NAALADL2: variants seen among roughly 807,000 people sequenced by gnomAD.
NAALADL2 encodes the protein inactive N-acetylated-alpha-linked acidic dipeptidase-like protein 2.
In NAALADL2, 76 loss-of-function variants were observed where a neutral mutation model predicts 87.2. That is an observed-to-expected ratio of 0.87 (90% confidence interval 0.72 to 1.05). The LOEUF (loss-of-function observed/expected upper bound fraction) is 1.05. NAALADL2 is among the 50% of genes least tolerant of loss of function. The pLI, the probability that NAALADL2 is intolerant of heterozygous loss-of-function variation, is 0.00. For missense variants in NAALADL2, 1,089 were observed against 945.8 expected, an observed-to-expected ratio of 1.15 and a Z score of -1.99; for synonymous variants, 354 against 331.0, an observed-to-expected ratio of 1.07 and a Z score of -0.75.
chr3:175,613,788 T>G (rs1021418683), intron 10 of NAALADL2, among the ~76,000 whole-genome samples: 1 of 152,178 alleles, frequency 6.6e-6, no homozygotes, highest in African/African-American at 2.4e-5. Flanking sequence ...TTCACAGGAT[T>G]TTTCTGAGGG....
chr3:175,257,729 G>C (rs1750250722), intron 4 of NAALADL2, among the ~76,000 whole-genome samples: 1 of 151,878 alleles, frequency 6.6e-6, no homozygotes, highest in Admixed American at 6.6e-5. Flanking sequence ...ATAACAATTT[G>C]ATGTAAAGGA....
chr3:175,371,565 T>C (rs1766505604), intron 5 of NAALADL2, among the ~76,000 whole-genome samples: 1 of 152,146 alleles, frequency 6.6e-6, no homozygotes, highest in Non-Finnish European at 1.5e-5. Flanking sequence ...CGGCTCATGC[T>C]TGTAATCCCA....
At chr3:175,621,003 C>T (rs369189737) in intron 10 of NAALADL2, among the ~76,000 whole-genome samples, 1 of 152,034 alleles carries the variant, frequency 6.6e-6, no homozygotes, top group African/African-American at 2.4e-5. Context: ...AGGCTCTGAC[C>T]GGAGGTATTT....
At chr3:174,589,870 GA>G (rs961013372) in intron 2 of NAALADL2, among the ~76,000 whole-genome samples, 10 of 135,572 alleles carry the variant, frequency 7.4e-5, no homozygotes, top group African/African-American at 1.4e-4. Flanking sequence ...TTTTTTTTTT[GA>G]AAAAAGTCAT....
intron 2 of NAALADL2, among the ~76,000 whole-genome samples, chr3:174,584,283 G>T (rs983001195): frequency 6.6e-6 from 1 of 152,118 alleles, no homozygotes; most frequent in Non-Finnish European, 1.5e-5. Flanking sequence ...ACAAAAGCAA[G>T]TAATCAGATA....
chr3:175,798,271 AC>A (rs1368782789), intron 13 of NAALADL2, among the ~76,000 whole-genome samples: 3 of 151,992 alleles, frequency 2.0e-5, no homozygotes, highest in Admixed American at 6.6e-5. Flanking sequence ...AACTTAAGTA[AC>A]ATCAGAAGCT....
At chr3:174,741,195 G>A (rs1050079299) in intron 3 of NAALADL2, among the ~76,000 whole-genome samples, 11 of 151,622 alleles carry the variant, frequency 7.3e-5, no homozygotes, top group Non-Finnish European at 1.3e-4. Context: ...GAAGAAAACT[G>A]ACGGCAAATG....
intron 9 of NAALADL2, chr3:175,487,737 CTT>C (rs952792046): frequency 1.8e-4 from 52 of 289,360 alleles, no homozygotes; most frequent in Middle Eastern, 1.3e-3. Context: ...GTCTGAACAA[CTT>C]AATGTAAAGA....
intron 5 of NAALADL2, among the ~76,000 whole-genome samples, chr3:175,442,520 G>T (rs1560558399): frequency 6.6e-6 from 1 of 152,132 alleles, no homozygotes; most frequent in Non-Finnish European, 1.5e-5. Context: ...TATTTCAATA[G>T]TGAAGACACT....
intron 1 of NAALADL2, among the ~76,000 whole-genome samples, chr3:175,078,521 G>T (rs1430255979): frequency 2.6e-5 from 4 of 152,132 alleles, no homozygotes; most frequent in Admixed American, 2.0e-4. Flanking sequence ...GATCCAATCA[G>T]TTGTAGAACA....
At chr3:175,374,871 C>G (rs1051550629) in intron 5 of NAALADL2, among the ~76,000 whole-genome samples, 2 of 143,000 alleles carry the variant, frequency 1.4e-5, no homozygotes, top group African/African-American at 2.6e-5. Context: ...GAGACCCTGT[C>G]GCAAATAAAT....
At chr3:174,789,374 C>A (rs1452917163) in intron 3 of NAALADL2, among the ~76,000 whole-genome samples, 1 of 152,048 alleles carries the variant, frequency 6.6e-6, no homozygotes, top group Non-Finnish European at 1.5e-5. Flanking sequence ...GTCAACAGAT[C>A]CTTCAAAATA....
chr3:174,585,377 T>A (rs980331402), intron 2 of NAALADL2, among the ~76,000 whole-genome samples: 3 of 152,012 alleles, frequency 2.0e-5, no homozygotes, highest in African/African-American at 7.2e-5. Flanking sequence ...AACCTTTGTG[T>A]TAACCTTAAA....
chr3:174,927,915 C>T lies in NAALADL2; in HGVS notation c.43+68465C>T, dbSNP rs1579571450. On this transcript the variant is annotated intron_variant, in intron 1 of 13. Transcript: ENST00000454872. ...AAACCCTTCAAAAAATCAATGAATC[C>T]AGGAGCTGTTTTTTTGAAGAGATCT... Among the ~76,000 whole-genome samples, 3 of 151,050 alleles carry T rather than the reference C, an allele frequency of 2.0e-5. No homozygotes were observed. The East Asian group carries it at 5.9e-4, about 30-fold the overall frequency.
rs2110437163 is a variant in NAALADL2 at position 175,324,322 on chromosome 3, G to T, written c.1087G>T (p.Val363Phe). Reference protein sequence around the residue: ...GDPSTPGYPSVDESFRQSRSN... With the variant: ...GDPSTPGYPSFDESFRQSRSN... ...CCCTTCTACGCCTGGTTACCCAAGT[G>T]TCGGTAAGTTTGTTGGTCATCATTA... Residue 363 changes from valine (V) to phenylalanine (F), a missense_variant, in exon 5 of 14, where the codon GTC becomes TTC. Physicochemically the swap from Val to Phe is conservative, Grantham distance 50. Transcript: ENST00000454872. 1 of 1,609,098 alleles carries T rather than the reference G, an allele frequency of 6.2e-7. No homozygotes were observed. The highest frequency in any genetic ancestry group is 1.3e-5 in the African/African-American group (1 of 74,754).
intron 2 of NAALADL2, among the ~76,000 whole-genome samples, chr3:175,232,330 C>A (rs1465906491): frequency 2.6e-5 from 4 of 152,122 alleles, no homozygotes; most frequent in Non-Finnish European, 5.9e-5. Context: ...AACCGAGAAA[C>A]TGTTTTTATT....
At chr3:174,957,547 C>A (rs1292638504) in intron 1 of NAALADL2, among the ~76,000 whole-genome samples, 1 of 151,666 alleles carries the variant, frequency 6.6e-6, no homozygotes, top group African/African-American at 2.4e-5. Flanking sequence ...CGGATAGCTT[C>A]TAGAGGCTGA....
At chr3:175,521,430 C>T (rs1732642745) in intron 9 of NAALADL2, among the ~76,000 whole-genome samples, 1 of 151,700 alleles carries the variant, frequency 6.6e-6, no homozygotes, top group African/African-American at 2.4e-5. Context: ...TGAATAAGCA[C>T]AATATTCTGC....
chr3:174,921,291 A>G (rs1351327087), intron 1 of NAALADL2, among the ~76,000 whole-genome samples: 1 of 152,216 alleles, frequency 6.6e-6, no homozygotes, highest in African/African-American at 2.4e-5. Flanking sequence ...TTTGCTGAAA[A>G]TATGTGCTCA....
Sources: gnomAD v4.1 joint callset for allele counts (sites outside exome capture counted in the v4.1 genomes callset) on GRCh38, gnomAD v4.1.1 for gene constraint, MANE v1.5 for transcripts, NCBI Gene and HGNC (gene_info 2026-07-23, HGNC 2026-07-21) for gene names.